MAP2K6: variants seen among roughly 807,000 people sequenced by gnomAD.
MAP2K6 encodes dual specificity mitogen-activated protein kinase kinase 6.
In MAP2K6, 16 loss-of-function variants were observed where a neutral mutation model predicts 53.7. That is an observed-to-expected ratio of 0.30 (90% CI 0.20 to 0.45). The LOEUF (loss-of-function observed/expected upper bound fraction) is 0.45, where lower values mean the gene tolerates loss of function less well. Among genes scored for constraint, MAP2K6 ranks in the 20% least tolerant of loss-of-function variants. The probability of loss-of-function intolerance (pLI) is 1.00; values close to 1 mark genes in which losing one functional copy is unlikely to be tolerated. For synonymous variants in MAP2K6, 132 were observed against 143.1 expected (o/e 0.92, Z 0.55); for missense variants, 204 against 411.9 (o/e 0.50, Z 4.37).
chr17:69,523,492 T>G (rs948122182), intron 7 of MAP2K6, 22 bp from the exon 8 acceptor site: 1 of 1,612,474 alleles, frequency 6.2e-7, no homozygotes, highest in South Asian at 1.1e-5. Context: ...AATGATGGCA[T>G]CCTGGTTGTT....
chr17:69,467,621 A>T (rs780478912), intron 1 of MAP2K6, among the ~76,000 whole-genome samples: 2 of 152,190 alleles, frequency 1.3e-5, no homozygotes, highest in Non-Finnish European at 2.9e-5. Context: ...TGGTGAGACA[A>T]CTGAGAACAT....
At position 69,414,936 on chromosome 17, in the gene MAP2K6, C is replaced by T. The variant is rs376268427; in HGVS notation, c.-49C>T. ...TGCAAAACTAGCTACAGAAGAGAAG[C>T]AAGGCAAAGTCTTTTGTGCTCCCCT... On this transcript the variant is annotated 5_prime_UTR_variant, in exon 1 of 12. Coordinates refer to ENST00000590474, the MANE Select transcript of MAP2K6 (RefSeq NM_002758.4). The T allele has an allele frequency of 6.6e-7, 1 of 1,518,196 alleles. No homozygotes were observed. Among genetic ancestry groups the T allele is most frequent in the African/African-American group, 1.4e-5 (1 of 72,532 alleles). The allele number at this position is 1,518,196 out of a possible 1,614,324, so 94.0% of individuals were successfully genotyped here.
At chr17:69,442,310 C>A (rs890513187) in intron 1 of MAP2K6, among the ~76,000 whole-genome samples, 2 of 152,146 alleles carry the variant, frequency 1.3e-5, no homozygotes, top group Admixed American at 6.6e-5. Context: ...TTCCAGACCT[C>A]TGGATTTTAC....
At chr17:69,455,229 C>A (rs1907365271) in intron 1 of MAP2K6, among the ~76,000 whole-genome samples, 1 of 152,182 alleles carries the variant, frequency 6.6e-6, no homozygotes, top group East Asian at 1.9e-4. Flanking sequence ...AACAAACACC[C>A]AACAAAAGTG....
At chr17:69,467,929 C>A (rs958092975) in intron 1 of MAP2K6, among the ~76,000 whole-genome samples, 14 of 152,006 alleles carry the variant, frequency 9.2e-5, no homozygotes, top group African/African-American at 3.4e-4. Context: ...CCACGCCCAG[C>A]TAATTTTTGT....
intron 1 of MAP2K6, among the ~76,000 whole-genome samples, chr17:69,503,128 A>C (rs1164037122): frequency 6.6e-6 from 1 of 152,182 alleles, no homozygotes; most frequent in East Asian, 1.9e-4. Flanking sequence ...GTTTTCGTTG[A>C]GAGAACTGTA....
intron 1 of MAP2K6, among the ~76,000 whole-genome samples, chr17:69,501,941 A>G (rs1909194101): frequency 1.4e-5 from 2 of 141,752 alleles, no homozygotes; most frequent in Admixed American, 1.4e-4. Context: ...TTTTTTTAAC[A>G]GTGTTCAATG....
rs1213211026 is a variant in MAP2K6 at position 69,546,732 on chromosome 17, A to AT, written c.*4983dup. ...TGGATTAAATGTCAATTGTGCTGGG[A>AT]TTTTGCCTTAACATCTATCTATGAC... On this transcript the variant is annotated 3_prime_UTR_variant, in exon 12 of 12. Transcript: ENST00000590474. 3.3e-5 allele frequency: 5 copies of AT among 152,132 alleles called. No individual in the cohort carries two copies. The highest frequency in any genetic ancestry group is 7.3e-5 in the Non-Finnish European group (5 of 68,028). 9.4% of individuals were successfully genotyped at this position (152,132 alleles called of 1,614,324 possible). A position where few individuals can be genotyped will look rare whatever the true frequency, so the allele number is the denominator to read the frequency against.
At position 69,499,246 on chromosome 17, in the gene MAP2K6, TA is replaced by T. The variant is rs1206615040; in HGVS notation, c.17-6532del. Among the ~76,000 whole-genome samples the T allele has an allele frequency of 5.3e-5, 8 of 152,250 alleles. No homozygotes were observed. The East Asian group carries it at 1.5e-3, about 29-fold the overall frequency. On this transcript the variant is annotated intron_variant, in intron 1 of 11. Coordinates refer to ENST00000590474, the MANE Select transcript of MAP2K6 (RefSeq NM_002758.4). ...GAATGGAGCACGGAATTTGAAGAAATAAGATGCCATCCAGGGAACATTCTGC... is the reference window on the plus strand; with the variant it reads ...GAATGGAGCACGGAATTTGAAGAAATAGATGCCATCCAGGGAACATTCTGC...
intron 1 of MAP2K6, among the ~76,000 whole-genome samples, chr17:69,469,222 A>G (rs558558337): frequency 6.6e-6 from 1 of 152,322 alleles, no homozygotes; most frequent in Admixed American, 6.5e-5. Context: ...AGGCTGGTCA[A>G]GTTCTTCTCA....
At chr17:69,425,400 C>T (rs997140402) in intron 1 of MAP2K6, among the ~76,000 whole-genome samples, 3 of 151,980 alleles carry the variant, frequency 2.0e-5, no homozygotes, top group Non-Finnish European at 4.4e-5. Flanking sequence ...GCAACCTCCG[C>T]CTCCCGGGTT....
chr17:69,523,202 T>G (rs61758055), intron 7 of MAP2K6, among the ~76,000 whole-genome samples: 1,535 of 152,342 alleles, frequency 0.01, 33 homozygotes, highest in African/African-American at 0.034. Flanking sequence ...GACATTTGAT[T>G]CAGTAATAAT....
chr17:69,511,031 A>G lies in MAP2K6; in HGVS notation c.83+5185A>G, dbSNP rs189682256. Among the ~76,000 whole-genome samples, 747 of 152,058 alleles carry G rather than the reference A, an allele frequency of 4.9e-3. 6 individuals carry two copies. The highest frequency in any genetic ancestry group is 0.018 in the African/African-American group (732 of 41,450). ...TACATCCCTTCCCCTTACAATTTTTATTCTTTACCTTTTATATTAGTTTAC... is the reference window on the plus strand; with the variant it reads ...TACATCCCTTCCCCTTACAATTTTTGTTCTTTACCTTTTATATTAGTTTAC... On this transcript the variant is annotated intron_variant, in intron 2 of 11. Transcript: ENST00000590474.
At chr17:69,469,278 T>C (rs1907910767) in intron 1 of MAP2K6, among the ~76,000 whole-genome samples, 1 of 152,256 alleles carries the variant, frequency 6.6e-6, no homozygotes, top group African/African-American at 2.4e-5. Flanking sequence ...CTTCCACTTT[T>C]AAGGACTATT....
At chr17:69,416,962 G>A (rs1567810955) in intron 1 of MAP2K6, among the ~76,000 whole-genome samples, 2 of 152,192 alleles carry the variant, frequency 1.3e-5, no homozygotes, top group South Asian at 2.1e-4. Flanking sequence ...AGCCAAAGGA[G>A]ATATTAGCAC....
chr17:69,539,747 A>G (rs566878291), intron 11 of MAP2K6, among the ~76,000 whole-genome samples: 1 of 152,350 alleles, frequency 6.6e-6, no homozygotes, highest in African/African-American at 2.4e-5. Flanking sequence ...TCACCAAGAT[A>G]ATCTGAGGTT....
chr17:69,424,194 C>T (rs1906188891), intron 1 of MAP2K6, among the ~76,000 whole-genome samples: 3 of 151,262 alleles, frequency 2.0e-5, no homozygotes, highest in South Asian at 2.1e-4. Context: ...TCGCTTACAT[C>T]GTGGATATTG....
At chr17:69,500,510 A>G (rs917709960) in intron 1 of MAP2K6, among the ~76,000 whole-genome samples, 3 of 146,630 alleles carry the variant, frequency 2.0e-5, no homozygotes, top group African/African-American at 7.5e-5. Flanking sequence ...TAATCCCAGC[A>G]CTTTGGGAGG....
intron 1 of MAP2K6, among the ~76,000 whole-genome samples, chr17:69,432,759 A>T (rs1032714490): frequency 6.6e-5 from 10 of 151,182 alleles, no homozygotes; most frequent in Non-Finnish European, 1.0e-4. Flanking sequence ...GCACACGTTT[A>T]CCTATGTAAC....
Sources: allele counts gnomAD v4.1 joint callset (sites outside exome capture counted in the v4.1 genomes callset), GRCh38; gene constraint gnomAD v4.1.1; transcripts MANE v1.5; gene names NCBI Gene and HGNC (gene_info 2026-07-23, HGNC 2026-07-21).